CNTROB: variants seen among roughly 807,000 people sequenced by gnomAD.
The protein encoded by CNTROB is centrobin, centriole duplication and spindle assembly protein, also known as centrobin.
Under a neutral mutation model 115.7 loss-of-function variants are expected in CNTROB, and 82 were observed. That is an observed-to-expected ratio of 0.71 (90% confidence interval 0.59 to 0.85). The LOEUF (loss-of-function observed/expected upper bound fraction) is 0.85. CNTROB is among the 40% of genes least tolerant of loss of function. The pLI is 0.00. For missense variants in CNTROB, 1,014 were observed against 1,144.4 expected (o/e 0.89, Z 1.64); for synonymous variants, 439 against 456.4 (o/e 0.96, Z 0.49).
chr17:7,943,154 T>C lies in CNTROB; in HGVS notation c.1312-237T>C, dbSNP rs990940189. Among the ~76,000 whole-genome samples, 2 of 152,160 alleles carry C rather than the reference T, an allele frequency of 1.3e-5. No homozygotes were observed. The highest frequency in any genetic ancestry group is 2.9e-5 in the Non-Finnish European group (2 of 68,008). On this transcript the variant is annotated intron_variant, in intron 9 of 18. Coordinates refer to ENST00000563694, the MANE Select transcript of CNTROB (RefSeq NM_053051.5). This position sits in a 1 kb window ranked among gnomAD's most constrained non-coding sequence, Gnocchi z 4.7. Reference sequence around the variant, plus strand: ...ATGGATTTGATTGCTCTGTCGAACATTTATTTTAGCTAAGAAATTTATGTC... The same window carrying C: ...ATGGATTTGATTGCTCTGTCGAACACTTATTTTAGCTAAGAAATTTATGTC...
chr17:7,946,076 A>G, intron 13 of CNTROB, 90 bp downstream of exon 13: 1 of 1,219,336 alleles, frequency 8.2e-7, no homozygotes, highest in African/African-American at 1.5e-5. Context: ...ATACTTGAGC[A>G]TTTAGTTTCC....
At chr17:7,941,078 C>T (rs1221478199) in intron 9 of CNTROB, among the ~76,000 whole-genome samples, 1 of 152,196 alleles carries the variant, frequency 6.6e-6, no homozygotes, top group Non-Finnish European at 1.5e-5. Context: ...AGCTGTGTTC[C>T]AGCCCATGGG....
At position 7,948,042 on chromosome 17, in the gene CNTROB, A is replaced by G. The variant is rs1329957433; in HGVS notation, c.2209+63A>G. Reference sequence around the variant, plus strand: ...TAGGAAAGATCGGAGTTGGTTATCTAGGATGAATTTTTAGGAGCTGGCAAA... The same window carrying G: ...TAGGAAAGATCGGAGTTGGTTATCTGGGATGAATTTTTAGGAGCTGGCAAA... On this transcript the variant is annotated intron_variant, in intron 15 of 18. Coordinates refer to ENST00000563694, the MANE Select transcript of CNTROB (RefSeq NM_053051.5). This position sits in a 1 kb window ranked among gnomAD's most constrained non-coding sequence, Gnocchi z 4.4. 1.3e-6 allele frequency: 2 copies of G among 1,598,726 alleles called. No individual in the cohort carries two copies. Among genetic ancestry groups the G allele is most frequent in the South Asian group, 1.1e-5 (1 of 90,716 alleles).
chr17:7,945,830 T>A lies in CNTROB; in HGVS notation c.1837T>A (p.Leu613Met), dbSNP rs1974473709. 1 of 1,614,204 alleles carries A rather than the reference T, an allele frequency of 6.2e-7. No homozygotes were observed. The highest frequency in any genetic ancestry group is 8.5e-7 in the Non-Finnish European group (1 of 1,180,038). Residue 613 changes from leucine to methionine, a missense_variant, in exon 13 of 19, where the codon TTG (leucine) becomes ATG (methionine). By Grantham distance (15) the Leu-to-Met change is conservative. Coordinates refer to ENST00000563694, the MANE Select transcript of CNTROB (RefSeq NM_053051.5). ...CATGGCCGTGGCCCTGAAGCCTGTA[T>A]TGCAGCAGAGCCGGGAAGCAAGGGA... is the stretch of plus-strand genomic sequence containing the variant. Reference protein sequence around the residue: ...PPMAVALKPVLQQSREARDEL... With the variant: ...PPMAVALKPVMQQSREARDEL...
Position 7,944,165 on chromosome 17 carries a change from G to T in CNTROB, c.1488G>T (p.Leu496=). 6.2e-7 allele frequency: 1 copy of T among 1,609,156 alleles called. No homozygotes were observed. Among genetic ancestry groups the T allele is most frequent in the Non-Finnish European group, 8.5e-7 (1 of 1,175,510 alleles). Residue 496 remains leucine, a synonymous_variant, in exon 11 of 19, where the codon CTG becomes CTT. Coordinates refer to ENST00000563694, the MANE Select transcript of CNTROB (RefSeq NM_053051.5). This position sits in a 1 kb window ranked among gnomAD's most constrained non-coding sequence, Gnocchi z 4.0. ...QDLSGQHQQE[L]ASQLAQFKVE... ...TGAGTGGACAGCACCAGCAGGAGCT[G>T]GCCAGTCAGCTAGCTCAGTTCAAGG...
At chr17:7,947,847 TTC>T in intron 14 of CNTROB, 67 bp from the exon 15 acceptor site, 1 of 1,608,608 alleles carries the variant, frequency 6.2e-7, no homozygotes, top group East Asian at 2.2e-5. Flanking sequence ...TCCCAGCTTC[TTC>T]TCTCAGATCC....
chr17:7,938,039 G>C (rs1057497199), intron 7 of CNTROB, among the ~76,000 whole-genome samples: 1 of 127,790 alleles, frequency 7.8e-6, no homozygotes, highest in African/African-American at 3.0e-5. Flanking sequence ...GTCGCGCTCT[G>C]TTGTCCAGGC....
intron 7 of CNTROB, among the ~76,000 whole-genome samples, chr17:7,938,162 C>T (rs532381789): frequency 3.9e-5 from 6 of 152,076 alleles, no homozygotes; most frequent in Admixed American, 1.3e-4. Flanking sequence ...ACCACCACGC[C>T]TAGCTAATTT....
In CNTROB at chr17:7,939,742, G is replaced by A; in HGVS notation, c.1157G>A (p.Arg386Lys). ...LQEESQAQLE[R>K]EKEKSQREAQ... Reference sequence around the variant, plus strand: ...GAGGAGAGCCAGGCTCAGCTGGAAAGGGAGAAGGTAAAAGTGGCAGTTGGA... The same window carrying A: ...GAGGAGAGCCAGGCTCAGCTGGAAAAGGAGAAGGTAAAAGTGGCAGTTGGA... The change falls in exon 8 of 19, where the codon AGG becomes AAG. Residue 386 changes from arginine to lysine, a missense_variant. Coordinates refer to ENST00000563694, the MANE Select transcript of CNTROB (RefSeq NM_053051.5). This position sits in a 1 kb window ranked among gnomAD's most constrained non-coding sequence, Gnocchi z 4.4. 1 of 1,613,980 alleles carries A rather than the reference G, an allele frequency of 6.2e-7. No individual in the cohort carries two copies. Among genetic ancestry groups the A allele is most frequent in the Non-Finnish European group, 8.5e-7 (1 of 1,179,970 alleles).
At chr17:7,937,140 C>G (rs1973275364) in intron 6 of CNTROB, 24 bp from the exon 7 acceptor site, 1 of 1,613,110 alleles carries the variant, frequency 6.2e-7, no homozygotes, top group Non-Finnish European at 8.5e-7. Context: ...GTTCCTCTGC[C>G]CTGTATTCCT....
intron 7 of CNTROB, among the ~76,000 whole-genome samples, chr17:7,938,519 C>T (rs187379891): frequency 1.5e-4 from 23 of 152,250 alleles, no homozygotes; most frequent in African/African-American, 4.8e-4. Context: ...TTTCTTTTGA[C>T]GATGATGGTG....
rs374568963 is a variant in CNTROB, at chr17:7,949,446, C to A, written c.2648C>A (p.Ala883Glu). 1.9e-6 allele frequency: 3 copies of A among 1,614,030 alleles called. No individual in the cohort carries two copies. The African/African-American group carries it at 4.0e-5, about 22-fold the overall frequency. ...GCCCCCAAGACTGAAAAACCTCCCG[C>A]ACGGAAGAAAAGTGGGCACCCTGCC... Reference protein sequence around the residue: ...ATAPKTEKPPARKKSGHPAPS... With the variant: ...ATAPKTEKPPERKKSGHPAPS... Residue 883 changes from alanine (A) to glutamate (E), a missense_variant, in exon 19 of 19, where the codon GCA (alanine) becomes GAA (glutamate). Physicochemically the swap from Ala to Glu is moderately radical, Grantham distance 107. Transcript: ENST00000563694.
In CNTROB at chr17:7,939,837, G is replaced by A; in HGVS notation, c.1164+88G>A. 7.7e-7 allele frequency: 1 copy of A among 1,290,554 alleles called. No individual in the cohort carries two copies. Among genetic ancestry groups the A allele is most frequent in the Non-Finnish European group, 1.1e-6 (1 of 900,140 alleles). 79.9% of individuals were successfully genotyped at this position (1,290,554 alleles called of 1,614,324 possible). On this transcript the variant is annotated intron_variant, in intron 8 of 18. Transcript: ENST00000563694. This position sits in a 1 kb window ranked among gnomAD's most constrained non-coding sequence, Gnocchi z 4.4. Reference sequence around the variant, plus strand: ...TGGGATGGAATGTTAGAATATGGGGGATACATATAGGCAGGAATGGAGAGT... The same window carrying A: ...TGGGATGGAATGTTAGAATATGGGGAATACATATAGGCAGGAATGGAGAGT...
chr17:7,933,650 T>G (rs115359713), intron 1 of CNTROB, among the ~76,000 whole-genome samples: 2 of 152,334 alleles, frequency 1.3e-5, no homozygotes, highest in African/African-American at 4.8e-5. Flanking sequence ...TGGGTAAGGT[T>G]TCTTGATCCC....
rs1424851991 is a variant in CNTROB at position 7,948,105 on chromosome 17, C to T, written c.2210-52C>T. On this transcript the variant is annotated intron_variant, in intron 15 of 18. Coordinates refer to ENST00000563694, the MANE Select transcript of CNTROB (RefSeq NM_053051.5). This position sits in a 1 kb window ranked among gnomAD's most constrained non-coding sequence, Gnocchi z 4.4. ...TTATAAATGCTGGGTGGTGGGACTT[C>T]CTTGGTTCTATGCCCCATTTCCTGA... is the stretch of plus-strand genomic sequence containing the variant. 3.7e-6 allele frequency: 6 copies of T among 1,610,052 alleles called. No homozygotes were observed. The highest frequency in any genetic ancestry group is 5.1e-6 in the Non-Finnish European group (6 of 1,176,736).
In CNTROB at chr17:7,936,729, A is replaced by G; in HGVS notation, c.740A>G (p.Asn247Ser). 6.5e-7 allele frequency: 1 copy of G among 1,537,962 alleles called. No individual in the cohort carries two copies. The highest frequency in any genetic ancestry group is 9.0e-7 in the Non-Finnish European group (1 of 1,110,352). The change falls in exon 6 of 19, where the codon AAC becomes AGC. Residue 247 changes from asparagine to serine, a missense_variant. Physicochemically the swap from Asn to Ser is conservative, Grantham distance 46 (BLOSUM62 1). Transcript: ENST00000563694. ...KTLARVVEGW[N>S]RHEAERTEVL... ...CTGGCCCGTGTGGTGGAGGGCTGGA[A>G]CCGGCATGAGGCTGAGCGGACAGAG...
At position 7,936,815 on chromosome 17, in the gene CNTROB, GA is replaced by G; in HGVS notation, c.827del (p.Glu276GlyfsTer3). 8.2e-7 allele frequency: 1 copy of G among 1,224,452 alleles called. No individual in the cohort carries two copies. The highest frequency in any genetic ancestry group is 1.2e-6 in the Non-Finnish European group (1 of 823,712). The allele number at this position is 1,224,452 out of a possible 1,614,324, so 75.8% of individuals were successfully genotyped here. ...AGAGCTCACCAGAAGCAAGCAGCAG[GA>G]GGTGAGCGCCCTGGAGCATATGGCA... ...AAELTRSKQQ[E>X]TVTRLEQSLS... is the part of the protein sequence containing the mutation. On this transcript the variant is annotated frameshift_variant and splice_region_variant, in exon 6 of 19. Transcript: ENST00000563694. LOFTEE classifies it high-confidence loss of function.
In CNTROB at chr17:7,939,932, G is replaced by A. The variant is rs553646388; in HGVS notation, c.1165-164G>A. Among the ~76,000 whole-genome samples, 30 of 152,130 alleles carry A rather than the reference G, an allele frequency of 2.0e-4. No homozygotes were observed. The highest frequency in any genetic ancestry group is 3.5e-4 in the Non-Finnish European group (24 of 68,020). On this transcript the variant is annotated intron_variant, in intron 8 of 18. Transcript: ENST00000563694. This position sits in a 1 kb window ranked among gnomAD's most constrained non-coding sequence, Gnocchi z 4.4. The stretch of plus-strand genomic sequence containing the variant: ...AGGAAGGGCTGGGGGTAATGAATAC[G>A]TGAAAGGCCAAAGACTGAAATTCAA...
At position 7,933,356 on chromosome 17, in the gene CNTROB, G is replaced by A. The variant is rs1451291744; in HGVS notation, c.270+7G>A. ...AAAGAACTTGAAGAAAAAGGTGAGG[G>A]AAGTGTGTCTTGGAGACCACTGTGG... On this transcript the variant is annotated splice_region_variant and intron_variant, in intron 1 of 18. Coordinates refer to ENST00000563694, the MANE Select transcript of CNTROB (RefSeq NM_053051.5). 10 of 1,610,064 alleles carry A rather than the reference G, an allele frequency of 6.2e-6. No homozygotes were observed. In the Admixed American group the frequency reaches 6.7e-5, roughly 11 times the overall value.
Sources: gnomAD v4.1 joint callset for allele counts (sites outside exome capture counted in the v4.1 genomes callset) on GRCh38, gnomAD v4.1.1 for gene constraint, Gnocchi (gnomAD v3.1) non-coding constraint, MANE v1.5 for transcripts, NCBI Gene and HGNC (gene_info 2026-07-23, HGNC 2026-07-21) for gene names.